The following CCDC171 variants were observed in gnomAD, a reference collection of about 807,000 sequenced individuals.
The protein encoded by CCDC171 is coiled-coil domain containing 171, also known as coiled-coil domain-containing protein 171.
Under a neutral mutation model 168.2 loss-of-function variants are expected in CCDC171, and 177 were observed. That is an observed-to-expected ratio of 1.05 (90% CI 0.93 to 1.19). The LOEUF is 1.19. CCDC171 is among the 50% of genes most tolerant of loss of function. The pLI is 0.00. For missense variants in CCDC171, 1,991 were observed against 1,539.0 expected, an observed-to-expected ratio of 1.29 and a Z score of -4.91; for synonymous variants, 687 against 540.8, an observed-to-expected ratio of 1.27 and a Z score of -3.75.
At chr9:15,697,155 G>A (rs57688272) in intron 11 of CCDC171, among the ~76,000 whole-genome samples, 2,084 of 152,260 alleles carry the variant, frequency 0.014, 58 homozygotes, top group African/African-American at 0.048. Flanking sequence ...TAAAGCAGTC[G>A]AAGTGTTTAT....
intron 11 of CCDC171, among the ~76,000 whole-genome samples, chr9:15,704,001 C>G (rs998445960): frequency 6.6e-6 from 1 of 152,146 alleles, no homozygotes; most frequent in African/African-American, 2.4e-5. Flanking sequence ...CAAAATATGA[C>G]ATGGAGACAC....
intron 25 of CCDC171, among the ~76,000 whole-genome samples, chr9:15,970,416 T>G (rs1831235178): frequency 1.3e-5 from 2 of 152,128 alleles, no homozygotes; most frequent in African/African-American, 4.8e-5. Context: ...TTTAAAACCC[T>G]GCAATATAGA....
At chr9:15,582,883 TAACA>T (rs1277849142) in intron 4 of CCDC171, among the ~76,000 whole-genome samples, 1 of 151,736 alleles carries the variant, frequency 6.6e-6, no homozygotes, top group Non-Finnish European at 1.5e-5. Context: ...TATACCTATG[TAACA>T]AACCTGCACA....
intron 6 of CCDC171, among the ~76,000 whole-genome samples, chr9:15,596,520 C>T (rs569159741): frequency 3.2e-4 from 49 of 152,184 alleles, no homozygotes; most frequent in African/African-American, 1.1e-3. Context: ...ATTTTGGTAC[C>T]AGTACCATGC....
intron 18 of CCDC171, among the ~76,000 whole-genome samples, chr9:15,757,001 C>G (rs990097901): frequency 6.6e-6 from 1 of 152,126 alleles, no homozygotes; most frequent in South Asian, 2.1e-4. Context: ...TGCTCAGTCT[C>G]GGGTATGTCT....
At chr9:15,854,918 T>C (rs1057350391) in intron 23 of CCDC171, among the ~76,000 whole-genome samples, 3 of 151,948 alleles carry the variant, frequency 2.0e-5, no homozygotes, top group Non-Finnish European at 4.4e-5. Context: ...TATGGAGTTA[T>C]ACTTTAATTT....
the CCDC171 span, among the ~76,000 whole-genome samples, chr9:16,107,873 T>C: frequency 1.3e-5 from 2 of 152,212 alleles, no homozygotes; most frequent in Non-Finnish European, 2.9e-5. Context: ...GGAGCTATTA[T>C]GAAAGAATAC....
exon 1 of CCDC171, chr9:16,042,801 A>G (rs772434434): frequency 4.6e-5 from 7 of 152,132 alleles, no homozygotes; most frequent in Non-Finnish European, 7.3e-5. Context: ...CTAATAGTTC[A>G]TTAAAGAAGA....
intron 16 of CCDC171, among the ~76,000 whole-genome samples, chr9:15,732,565 G>C (rs192085194): frequency 1.3e-5 from 2 of 152,042 alleles, no homozygotes; most frequent in African/African-American, 2.4e-5. Flanking sequence ...TTTTGGGTCT[G>C]GTTACTTTCA....
intron 21 of CCDC171, among the ~76,000 whole-genome samples, chr9:15,826,896 C>G (rs1380690295): frequency 6.6e-6 from 1 of 152,202 alleles, no homozygotes; most frequent in Non-Finnish European, 1.5e-5. Context: ...GAACACATGA[C>G]ATATTGTTCT....
chr9:15,649,328 A>G (rs1009279770), intron 7 of CCDC171, among the ~76,000 whole-genome samples: 1 of 152,250 alleles, frequency 6.6e-6, no homozygotes. Context: ...CATTCAGGAC[A>G]TAGGCATGGG....
intron 1 of CCDC171, among the ~76,000 whole-genome samples, chr9:15,554,160 C>G (rs558666300): frequency 5.8e-4 from 89 of 152,198 alleles, no homozygotes; most frequent in African/African-American, 2.0e-3. Flanking sequence ...GCCGGGACAA[C>G]CGGCGCACGC....
At chr9:15,990,188 G>A (rs1252450598) in intron 3 of CCDC171, among the ~76,000 whole-genome samples, 1 of 152,122 alleles carries the variant, frequency 6.6e-6, no homozygotes, top group African/African-American at 2.4e-5. Flanking sequence ...GAAAGGTCGG[G>A]TTACCCACAA....
chr9:15,682,303 A>G (rs1204344191), intron 10 of CCDC171, among the ~76,000 whole-genome samples: 1 of 152,038 alleles, frequency 6.6e-6, no homozygotes, highest in East Asian at 1.9e-4. Flanking sequence ...CAGGATACAG[A>G]AAGTCTTAAT....
chr9:15,609,272 T>A lies in CCDC171; in HGVS notation c.676-13995T>A, dbSNP rs1421085663. On this transcript the variant is annotated intron_variant, in intron 6 of 25. Transcript: ENST00000380701. ...CTGCCACCATGCCCAGCTAATTTTTTATTTTTTTTTATTTTTAGTAGAGAC... is the reference window on the plus strand; with the variant it reads ...CTGCCACCATGCCCAGCTAATTTTTAATTTTTTTTTATTTTTAGTAGAGAC... Among the ~76,000 whole-genome samples, 3 of 151,844 alleles carry A rather than the reference T, an allele frequency of 2.0e-5. No individual in the cohort carries two copies. The East Asian group carries it at 5.8e-4, about 30-fold the overall frequency.
chr9:15,607,578 C>A (rs536915299), intron 6 of CCDC171, among the ~76,000 whole-genome samples: 1 of 152,240 alleles, frequency 6.6e-6, no homozygotes, highest in East Asian at 1.9e-4. Flanking sequence ...CCTCCCACCT[C>A]AGCCTCCTGA....
intron 6 of CCDC171, among the ~76,000 whole-genome samples, chr9:15,618,709 C>G (rs893181639): frequency 6.6e-6 from 1 of 152,156 alleles, no homozygotes; most frequent in South Asian, 2.1e-4. Context: ...GCGTAGTACT[C>G]AGGGCGGGTA....
At chr9:15,912,309 A>G (rs1168503754) in intron 24 of CCDC171, among the ~76,000 whole-genome samples, 1 of 152,102 alleles carries the variant, frequency 6.6e-6, no homozygotes, top group Non-Finnish European at 1.5e-5. Flanking sequence ...TCTTTGTAGC[A>G]GTTGTGAATG....
rs188864327 is a variant in CCDC171 at position 15,920,744 on chromosome 9, G to T, written c.3753+322G>T. Among the ~76,000 whole-genome samples, 6 of 151,866 alleles carry T rather than the reference G, an allele frequency of 4.0e-5. No individual in the cohort carries two copies. In the East Asian group the frequency reaches 1.2e-3, roughly 29 times the overall value. ...AAGCTTGCAACTGTCTGAAGATTCA[G>T]TGTGTCCCATTAAGACAGAATATTA... is the stretch of plus-strand genomic sequence containing the variant. On this transcript the variant is annotated intron_variant, in intron 25 of 25. Transcript: ENST00000380701.
Sources: gnomAD v4.1 joint callset for allele counts (sites outside exome capture counted in the v4.1 genomes callset) on GRCh38, gnomAD v4.1.1 for gene constraint, MANE v1.5 for transcripts, NCBI Gene and HGNC (gene_info 2026-07-23, HGNC 2026-07-21) for gene names.